Variants in SMARCA2 observed in about 807,000 individuals in gnomAD.
SMARCA2 encodes SWI/SNF-related matrix-associated actin-dependent regulator of chromatin subfamily A member 2.
A neutral mutation model predicts 199.8 loss-of-function variants in SMARCA2; 61 were observed. The observed-to-expected ratio is 0.31, with a 90% CI of 0.25 to 0.38. The LOEUF (loss-of-function observed/expected upper bound fraction) is 0.38. Among genes scored for constraint, SMARCA2 ranks in the 10% least tolerant of loss-of-function variants. The pLI, the probability that SMARCA2 is intolerant of heterozygous loss-of-function variation, is 1.00. For missense variants in SMARCA2, 1,344 were observed against 2,012.2 expected (o/e 0.67, Z 6.35); for synonymous variants, 935 against 732.0 (o/e 1.28, Z -4.48).
chr9:2,127,277 C>T (rs1310654037), intron 27 of SMARCA2, among the ~76,000 whole-genome samples: 1 of 152,154 alleles, frequency 6.6e-6, no homozygotes, highest in Admixed American at 6.5e-5. Flanking sequence ...TTTAGGACTT[C>T]TGTGTACAAA....
chr9:2,153,420 C>T (rs1417939859), intron 27 of SMARCA2, among the ~76,000 whole-genome samples: 1 of 152,042 alleles, frequency 6.6e-6, no homozygotes, highest in Non-Finnish European at 1.5e-5. Context: ...GTAGTCCCAG[C>T]TCTCAGGAGG....
intron 21 of SMARCA2, among the ~76,000 whole-genome samples, chr9:2,099,760 C>A (rs1020470538): frequency 6.6e-6 from 1 of 152,120 alleles, no homozygotes; most frequent in South Asian, 2.1e-4. Context: ...CTAAATCCTG[C>A]CAGATGCTGA....
In SMARCA2 at chr9:2,110,725, A is replaced by G. The variant is rs1822955847; in HGVS notation, c.3456+308A>G. ...AGGGATAAGTCAAAAATGTTGCAAA[A>G]TCATAGCAGTAAGAACAATAGCAAC... On this transcript the variant is annotated intron_variant, in intron 24 of 33. Coordinates refer to ENST00000349721, the MANE Select transcript of SMARCA2 (RefSeq NM_003070.5). The surrounding 1 kb of genome is among the most constrained non-coding windows in gnomAD (Gnocchi z 4.8). 6.6e-6 allele frequency among the ~76,000 whole-genome samples: 1 copy of G among 152,228 alleles called. No homozygotes were observed. Among genetic ancestry groups the G allele is most frequent in the East Asian group, 1.9e-4 (1 of 5,200 alleles).
rs750120946 is a variant in SMARCA2 at position 2,047,455 on chromosome 9, C to G, written c.1017C>G (p.Pro339=). 1.9e-6 allele frequency: 3 copies of G among 1,546,368 alleles called. No individual in the cohort carries two copies. Among genetic ancestry groups the G allele is most frequent in the Non-Finnish European group, 2.6e-6 (3 of 1,150,024 alleles). Residue 339 remains proline, a synonymous_variant, in exon 5 of 34, where the codon CCC becomes CCG. Coordinates refer to ENST00000349721, the MANE Select transcript of SMARCA2 (RefSeq NM_003070.5). The part of the protein sequence containing the change: ...SPIQKPQGLD[P]VEILQEREYR... ...TCCAGAAACCGCAAGGCCTGGACCCCGTGGAAATTCTGCAAGAGCGGGAAT... is the reference window on the plus strand; with the variant it reads ...TCCAGAAACCGCAAGGCCTGGACCCGGTGGAAATTCTGCAAGAGCGGGAAT...
chr9:2,051,462 C>A (rs771674378), intron 5 of SMARCA2, among the ~76,000 whole-genome samples: 1 of 152,196 alleles, frequency 6.6e-6, no homozygotes, highest in South Asian at 2.1e-4. Flanking sequence ...TCCCACCCCC[C>A]ATCTCCTCAT....
chr9:2,138,410 T>C (rs1422134106), intron 27 of SMARCA2, among the ~76,000 whole-genome samples: 1 of 152,226 alleles, frequency 6.6e-6, no homozygotes, highest in Non-Finnish European at 1.5e-5. Context: ...GTCACTCCTA[T>C]TGAAATAAGT....
At chr9:2,165,891 C>G (rs1378859169) in intron 28 of SMARCA2, among the ~76,000 whole-genome samples, 1 of 152,194 alleles carries the variant, frequency 6.6e-6, no homozygotes, top group Non-Finnish European at 1.5e-5. Flanking sequence ...CCTGGCCCAA[C>G]TTCCCACAAT....
chr9:2,160,659 A>G (rs1485255415), intron 27 of SMARCA2: 5 of 698,282 alleles, frequency 7.2e-6, no homozygotes, highest in Admixed American at 4.0e-5. Flanking sequence ...GCTACGAGAA[A>G]GGATTGATTA....
intron 27 of SMARCA2, among the ~76,000 whole-genome samples, chr9:2,144,015 A>G (rs57181140): frequency 0.17 from 25,485 of 151,978 alleles, 2,452 homozygotes; most frequent in East Asian, 0.31. Flanking sequence ...TGATTACCCA[A>G]TAACCTAGTG....
chr9:2,154,836 T>C (rs1252264385), intron 27 of SMARCA2, among the ~76,000 whole-genome samples: 1 of 152,218 alleles, frequency 6.6e-6, no homozygotes, highest in East Asian at 1.9e-4. Flanking sequence ...ATTTTTAATA[T>C]ACTGAGAACC....
At position 2,122,428 on chromosome 9, in the gene SMARCA2, A is replaced by G. The variant is rs559614151; in HGVS notation, c.3763-1291A>G. ...AGAAGGCAACCTCTGTGTGCCAGTT[A>G]TGAAGGTTTGGTGGATCCATTTCTC... is the stretch of plus-strand genomic sequence containing the variant. On this transcript the variant is annotated intron_variant, in intron 26 of 33. Transcript: ENST00000349721. Among the ~76,000 whole-genome samples the G allele has an allele frequency of 7.9e-5, 12 of 152,254 alleles. No homozygotes were observed. The East Asian group carries it at 2.3e-3, about 29-fold the overall frequency.
At chr9:2,182,517 G>T (rs1403221529) in intron 31 of SMARCA2, among the ~76,000 whole-genome samples, 5 of 116,006 alleles carry the variant, frequency 4.3e-5, no homozygotes, top group African/African-American at 6.7e-5. Flanking sequence ...CTTTTTTGAG[G>T]CAGAATTTCA....
intron 27 of SMARCA2, among the ~76,000 whole-genome samples, chr9:2,138,184 C>CA (rs34160659): frequency 0.03 from 4,390 of 148,240 alleles, 84 homozygotes; most frequent in Non-Finnish European, 0.044. Flanking sequence ...ACAACAACAA[C>CA]AAAAAAAAAA....
intron 23 of SMARCA2, among the ~76,000 whole-genome samples, chr9:2,106,651 A>G (rs1444809882): frequency 6.6e-6 from 1 of 152,132 alleles, no homozygotes; most frequent in Non-Finnish European, 1.5e-5. Flanking sequence ...TTCATTGCTG[A>G]ATTTGATGTC....
At chr9:2,102,131 AAGTGTG>A (rs1822543623) in intron 22 of SMARCA2, among the ~76,000 whole-genome samples, 1 of 134,614 alleles carries the variant, frequency 7.4e-6, no homozygotes, top group African/African-American at 3.0e-5. Flanking sequence ...CATTAACAGA[AAGTGTG>A]TGTGTGTGTG....
chr9:2,153,322 C>T (rs552635457), intron 27 of SMARCA2, among the ~76,000 whole-genome samples: 8 of 152,140 alleles, frequency 5.3e-5, no homozygotes, highest in South Asian at 2.1e-4. Flanking sequence ...AGATCGCTTG[C>T]GCCCAGGAGT....
intron 24 of SMARCA2, among the ~76,000 whole-genome samples, chr9:2,114,796 A>T (rs1469852853): frequency 6.6e-6 from 1 of 152,226 alleles, no homozygotes; most frequent in Non-Finnish European, 1.5e-5. Flanking sequence ...AAGAAAGTGA[A>T]ATAACACCTA....
chr9:2,023,003 C>A (rs914731836), intron 1 of SMARCA2, among the ~76,000 whole-genome samples: 1 of 152,160 alleles, frequency 6.6e-6, no homozygotes, highest in African/African-American at 2.4e-5. Flanking sequence ...GGGTTTCTAA[C>A]ACTTAGGTTT....
intron 12 of SMARCA2, among the ~76,000 whole-genome samples, chr9:2,076,012 G>T (rs535436116): frequency 6.6e-6 from 1 of 152,222 alleles, no homozygotes; most frequent in Non-Finnish European, 1.5e-5. Context: ...GGGATCCTCA[G>T]AGAGTTCCCT....
Sources: allele counts gnomAD v4.1 joint callset (sites outside exome capture counted in the v4.1 genomes callset), GRCh38; gene constraint gnomAD v4.1.1; non-coding constraint Gnocchi (gnomAD v3.1); transcripts MANE v1.5; gene names NCBI Gene and HGNC (gene_info 2026-07-23, HGNC 2026-07-21).